The following DNAJC15 variants were observed in gnomAD, a reference collection of about 807,000 sequenced individuals.
DNAJC15 encodes the protein dnaJ homolog subfamily C member 15.
In DNAJC15, 27 loss-of-function variants were observed where a neutral mutation model predicts 22.4. That is an observed-to-expected ratio of 1.20 (90% CI 0.89 to 1.66). The LOEUF (loss-of-function observed/expected upper bound fraction) is 1.66, where lower values mean the gene tolerates loss of function less well. Ranked by LOEUF, DNAJC15 falls within the 40% of genes most tolerant of loss-of-function variation. DNAJC15 has a pLI of 0.00. For missense variants in DNAJC15, 208 were observed against 187.1 expected, an observed-to-expected ratio of 1.11 and a Z score of -0.65; for synonymous variants, 79 against 63.2, an observed-to-expected ratio of 1.25 and a Z score of -1.19.
At chr13:43,041,155 T>C (rs569277230) in intron 1 of DNAJC15, among the ~76,000 whole-genome samples, 144 of 152,260 alleles carry the variant, frequency 9.5e-4, no homozygotes, top group African/African-American at 3.3e-3. Context: ...GACTATCACA[T>C]GGGGAGAAAC....
At chr13:43,100,065 G>GTT (rs1566217629) in intron 5 of DNAJC15, among the ~76,000 whole-genome samples, 1 of 152,058 alleles carries the variant, frequency 6.6e-6, no homozygotes, top group African/African-American at 2.4e-5. Flanking sequence ...GAATATTCAA[G>GTT]TTGTCTCTTC....
chr13:43,110,472 C>G lies in DNAJC15; in HGVS notation c.*3224C>G, dbSNP rs2040819494. The G allele has an allele frequency of 6.6e-6, 1 of 152,008 alleles. No homozygotes were observed. Among genetic ancestry groups the G allele is most frequent in the South Asian group, 2.1e-4 (1 of 4,812 alleles). 9.4% of individuals were successfully genotyped at this position (152,008 alleles called of 1,614,324 possible). A position where few individuals can be genotyped will look rare whatever the true frequency, so the allele number is the denominator to read the frequency against. ...GGACAGGTTTGGGATTTTTTTTCCC[C>G]CTTGAGTCTGTGAAGGCATTACTTA... On this transcript the variant is annotated 3_prime_UTR_variant, in exon 6 of 6. Coordinates refer to ENST00000379221, the MANE Select transcript of DNAJC15 (RefSeq NM_013238.3).
chr13:43,035,227 G>A (rs577213774), intron 1 of DNAJC15, among the ~76,000 whole-genome samples: 17 of 152,226 alleles, frequency 1.1e-4, no homozygotes, highest in Admixed American at 8.5e-4. Context: ...AATGGAGGGA[G>A]GGTGCTAGGG....
chr13:43,100,728 A>G (rs987650429), intron 5 of DNAJC15, among the ~76,000 whole-genome samples: 1 of 152,156 alleles, frequency 6.6e-6, no homozygotes, highest in Non-Finnish European at 1.5e-5. Context: ...CATTTGAGAA[A>G]AATTGCGTAT....
In DNAJC15 at chr13:43,055,435, G is replaced by A. The variant is rs545671528; in HGVS notation, c.109-10251G>A. On this transcript the variant is annotated intron_variant, in intron 1 of 5. Coordinates refer to ENST00000379221, the MANE Select transcript of DNAJC15 (RefSeq NM_013238.3). ...TCACTCGGGACCCATCTCTTCAAGG[G>A]AGAGCTGTTCTTTCTTTTTGCCTAT... 6.6e-5 allele frequency among the ~76,000 whole-genome samples: 10 copies of A among 152,182 alleles called. No homozygotes were observed. The South Asian group carries it at 1.5e-3, about 22-fold the overall frequency.
intron 1 of DNAJC15, among the ~76,000 whole-genome samples, chr13:43,053,644 TG>T (rs1271978710): frequency 2.0e-5 from 3 of 150,246 alleles, no homozygotes; most frequent in Non-Finnish European, 4.4e-5. Context: ...TATATTCCTT[TG>T]TAATTTTTTG....
chr13:43,105,858 A>C (rs923196197), intron 5 of DNAJC15, among the ~76,000 whole-genome samples: 1 of 152,220 alleles, frequency 6.6e-6, no homozygotes, highest in South Asian at 2.1e-4. Flanking sequence ...TGAAATCAAC[A>C]TATTTCATAA....
At chr13:43,060,937 T>G (rs1476053361) in intron 1 of DNAJC15, among the ~76,000 whole-genome samples, 4 of 152,130 alleles carry the variant, frequency 2.6e-5, no homozygotes, top group Non-Finnish European at 4.4e-5. Context: ...TCCTGACATG[T>G]GAGTAAAGTC....
chr13:43,069,117 C>A, intron 3 of DNAJC15, 114 bp downstream of exon 3: 1 of 991,564 alleles, frequency 1.0e-6, no homozygotes, highest in Non-Finnish European at 1.5e-6. Flanking sequence ...AAGTTTGTTT[C>A]CTTCACTATA....
Position 43,068,946 on chromosome 13 carries a change from G to A in DNAJC15, c.177G>A (p.Arg59=), listed in dbSNP as rs1396370377. The change falls in exon 3 of 6, where the codon CGG becomes CGA. Residue 59 remains arginine, a synonymous_variant. Coordinates refer to ENST00000379221, the MANE Select transcript of DNAJC15 (RefSeq NM_013238.3). ...ACTATTTAGGTCGCTACGCATTTCGGATCTGGAAACCTCTAGAACAAGTTA... is the reference window on the plus strand; with the variant it reads ...ACTATTTAGGTCGCTACGCATTTCGAATCTGGAAACCTCTAGAACAAGTTA... ...ALAFAGRYAF[R]IWKPLEQVIT... The A allele has an allele frequency of 6.2e-7, 1 of 1,612,612 alleles. No homozygotes were observed. Among genetic ancestry groups the A allele is most frequent in the East Asian group, 2.2e-5 (1 of 44,736 alleles).
At chr13:43,090,524 T>G (rs577567628) in intron 5 of DNAJC15, among the ~76,000 whole-genome samples, 7 of 152,232 alleles carry the variant, frequency 4.6e-5, no homozygotes, top group Middle Eastern at 6.8e-3. Context: ...AGGCAAAGAT[T>G]TCCTATACAT....
At chr13:43,086,356 CTT>C (rs926070363) in intron 5 of DNAJC15, among the ~76,000 whole-genome samples, 1 of 152,066 alleles carries the variant, frequency 6.6e-6, no homozygotes, top group Non-Finnish European at 1.5e-5. Flanking sequence ...ATTATTATAA[CTT>C]TAACTACACT....
At chr13:43,058,417 T>C (rs2040541625) in intron 1 of DNAJC15, among the ~76,000 whole-genome samples, 1 of 152,054 alleles carries the variant, frequency 6.6e-6, no homozygotes, top group Non-Finnish European at 1.5e-5. Flanking sequence ...TAGAGAAGGA[T>C]CACCAGGTTG....
intron 2 of DNAJC15, among the ~76,000 whole-genome samples, chr13:43,066,652 G>A (rs928966886): frequency 2.6e-5 from 4 of 152,108 alleles, no homozygotes; most frequent in African/African-American, 9.7e-5. Flanking sequence ...TTGAGACGGA[G>A]TCTTGCTCTG....
chr13:43,054,943 C>T (rs1315075788), intron 1 of DNAJC15, among the ~76,000 whole-genome samples: 2 of 152,078 alleles, frequency 1.3e-5, no homozygotes, highest in African/African-American at 4.8e-5. Context: ...ACCCCTGGAG[C>T]ACAGAAGGAG....
intron 4 of DNAJC15, among the ~76,000 whole-genome samples, chr13:43,080,800 C>T (rs1040684577): frequency 2.6e-5 from 4 of 152,222 alleles, no homozygotes; most frequent in African/African-American, 9.6e-5. Context: ...GCTCCTGTTT[C>T]TTTCCATGTC....
At position 43,065,725 on chromosome 13, in the gene DNAJC15, C is replaced by G; in HGVS notation, c.148C>G (p.Leu50Val). 1 of 1,613,206 alleles carries G rather than the reference C, an allele frequency of 6.2e-7. No individual in the cohort carries two copies. Among genetic ancestry groups the G allele is most frequent in the Non-Finnish European group, 8.5e-7 (1 of 1,179,648 alleles). ...LIAVGLGVAA[L>V]AFAGRYAFRI... Reference sequence around the variant, plus strand: ...AGCTGTAGGACTGGGTGTTGCAGCTCTTGCATTTGCAGGTAAGATAAAGAA... The same window carrying G: ...AGCTGTAGGACTGGGTGTTGCAGCTGTTGCATTTGCAGGTAAGATAAAGAA... Residue 50 changes from leucine (L) to valine (V), a missense_variant, in exon 2 of 6, where the codon CTT becomes GTT. By Grantham distance (32) the Leu-to-Val change is conservative. Coordinates refer to ENST00000379221, the MANE Select transcript of DNAJC15 (RefSeq NM_013238.3).
At chr13:43,092,318 A>G (rs959661622) in intron 5 of DNAJC15, among the ~76,000 whole-genome samples, 4 of 152,118 alleles carry the variant, frequency 2.6e-5, no homozygotes, top group East Asian at 1.9e-4. Flanking sequence ...TAGTGTTTAC[A>G]TGGTATATCT....
chr13:43,035,075 T>A (rs532520212), intron 1 of DNAJC15, among the ~76,000 whole-genome samples: 1 of 152,312 alleles, frequency 6.6e-6, no homozygotes, highest in African/African-American at 2.4e-5. Flanking sequence ...GCAAAAGATA[T>A]CCTTGTCTTG....
Sources: allele counts gnomAD v4.1 joint callset (sites outside exome capture counted in the v4.1 genomes callset), GRCh38; gene constraint gnomAD v4.1.1; transcripts MANE v1.5; gene names NCBI Gene and HGNC (gene_info 2026-07-23, HGNC 2026-07-21).